Variants in SLC9A9 observed in about 807,000 individuals in gnomAD.
The protein encoded by SLC9A9 is sodium/hydrogen exchanger 9.
SLC9A9 carries 62 observed loss-of-function variants against 77.8 expected under a neutral mutation model. That is an observed-to-expected ratio of 0.80 (90% CI 0.65 to 0.98). The LOEUF is 0.98. Ranked by LOEUF, SLC9A9 falls within the 50% of genes least tolerant of loss-of-function variation. SLC9A9 has a pLI of 0.00. For missense variants in SLC9A9, 775 were observed against 774.9 expected (o/e 1.00, Z 0.00); for synonymous variants, 320 against 283.5 (o/e 1.13, Z -1.29).
chr3:143,698,529 C>T (rs1242993964), intron 4 of SLC9A9, among the ~76,000 whole-genome samples: 1 of 152,098 alleles, frequency 6.6e-6, no homozygotes, highest in Non-Finnish European at 1.5e-5. Flanking sequence ...GACGCACACA[C>T]TGATTTTAAA....
At chr3:143,782,182 C>T (rs1247814293) in intron 4 of SLC9A9, among the ~76,000 whole-genome samples, 1 of 152,174 alleles carries the variant, frequency 6.6e-6, no homozygotes, top group Non-Finnish European at 1.5e-5. Flanking sequence ...GGTTTAGTTT[C>T]ATTGACACCT....
intron 6 of SLC9A9, among the ~76,000 whole-genome samples, chr3:143,634,143 C>CTTTTTTTTTTTTTTTTTTTT (rs1164545805): frequency 1.4e-5 from 2 of 147,966 alleles, no homozygotes; most frequent in African/African-American, 5.3e-5. Context: ...TCCCATAATC[C>CTTTTTTTTTTTTTTTTTTTT]TTTCTTTAAG....
chr3:143,325,153 G>T (rs1486575689), intron 14 of SLC9A9, among the ~76,000 whole-genome samples: 1 of 151,006 alleles, frequency 6.6e-6, no homozygotes, highest in Non-Finnish European at 1.5e-5. Flanking sequence ...TCACTCTCTG[G>T]TGGCCCTCCT....
intron 14 of SLC9A9, among the ~76,000 whole-genome samples, chr3:143,303,560 G>A (rs555866451): frequency 6.6e-6 from 1 of 152,200 alleles, no homozygotes; most frequent in African/African-American, 2.4e-5. Flanking sequence ...AGGGCCAGGT[G>A]TCTGGTTTTA....
intron 14 of SLC9A9, among the ~76,000 whole-genome samples, chr3:143,333,570 G>A (rs2031838214): frequency 6.6e-6 from 1 of 152,160 alleles, no homozygotes; most frequent in Non-Finnish European, 1.5e-5. Flanking sequence ...TTCCTGACCT[G>A]GGGGATAGAC....
Position 143,432,335 on chromosome 3 carries a change from G to A in SLC9A9, c.1469+34702C>T, listed in dbSNP as rs151080298. 4.5e-3 allele frequency among the ~76,000 whole-genome samples: 681 copies of A among 152,188 alleles called. 12 individuals are homozygous for A. Among genetic ancestry groups the A allele is most frequent in the East Asian group, 3.7e-3 (19 of 5,176 alleles). ...TGTAGTGGGAACAGGCCCTGGAAAG[G>A]TTCTCAGTGCAGTAAACTCTTTGCC... On this transcript the variant is annotated intron_variant, in intron 12 of 15. Coordinates refer to ENST00000316549, the MANE Select transcript of SLC9A9 (RefSeq NM_173653.4).
intron 14 of SLC9A9, among the ~76,000 whole-genome samples, chr3:143,329,993 C>T (rs1291325755): frequency 6.6e-6 from 1 of 152,160 alleles, no homozygotes; most frequent in African/African-American, 2.4e-5. Context: ...CTTCAAACTA[C>T]TGGAAAAAAA....
intron 12 of SLC9A9, among the ~76,000 whole-genome samples, chr3:143,462,507 G>A (rs1470399580): frequency 3.3e-5 from 5 of 152,212 alleles, no homozygotes; most frequent in African/African-American, 9.6e-5. Flanking sequence ...TTGGGATCCT[G>A]AATAGGGTTG....
At chr3:143,444,283 C>T (rs890215451) in intron 12 of SLC9A9, among the ~76,000 whole-genome samples, 4 of 152,138 alleles carry the variant, frequency 2.6e-5, no homozygotes, top group Non-Finnish European at 2.9e-5. Context: ...GTGAGGCCAG[C>T]CAATTGTAAA....
chr3:143,333,623 G>A (rs1201447796), intron 14 of SLC9A9, among the ~76,000 whole-genome samples: 1 of 152,198 alleles, frequency 6.6e-6, no homozygotes, highest in African/African-American at 2.4e-5. Context: ...CTGCAACCAG[G>A]TGAGCCACAT....
At chr3:143,346,481 T>C (rs1184941285) in intron 14 of SLC9A9, among the ~76,000 whole-genome samples, 2 of 152,164 alleles carry the variant, frequency 1.3e-5, no homozygotes, top group African/African-American at 2.4e-5. Context: ...TATTTTAATA[T>C]TATTTTTATG....
intron 6 of SLC9A9, among the ~76,000 whole-genome samples, chr3:143,616,797 T>C (rs900592446): frequency 2.0e-5 from 3 of 152,140 alleles, no homozygotes; most frequent in Non-Finnish European, 2.9e-5. Flanking sequence ...CTCATAAATA[T>C]GGATAAAGAA....
At chr3:143,459,509 T>C (rs891076953) in intron 12 of SLC9A9, among the ~76,000 whole-genome samples, 1 of 152,106 alleles carries the variant, frequency 6.6e-6, no homozygotes, top group African/African-American at 2.4e-5. Flanking sequence ...GTCTTTGCAG[T>C]TGTCTTTAGA....
At chr3:143,834,374 A>G (rs2009514340) in intron 1 of SLC9A9, among the ~76,000 whole-genome samples, 1 of 152,142 alleles carries the variant, frequency 6.6e-6, no homozygotes, top group Non-Finnish European at 1.5e-5. Context: ...GTGCTTGCAT[A>G]AGAACATCAT....
intron 2 of SLC9A9, among the ~76,000 whole-genome samples, chr3:143,797,286 G>A (rs554303111): frequency 6.6e-6 from 1 of 151,954 alleles, no homozygotes; most frequent in Non-Finnish European, 1.5e-5. Flanking sequence ...TCCCTATTTT[G>A]TCCCATTCCA....
intron 6 of SLC9A9, among the ~76,000 whole-genome samples, chr3:143,649,192 C>T (rs2038758130): frequency 6.6e-6 from 1 of 152,210 alleles, no homozygotes; most frequent in Non-Finnish European, 1.5e-5. Flanking sequence ...AAAACACACA[C>T]TCCTTGAGAT....
At chr3:143,765,637 T>C (rs1249632069) in intron 4 of SLC9A9, among the ~76,000 whole-genome samples, 1 of 152,220 alleles carries the variant, frequency 6.6e-6, no homozygotes. Context: ...TTGATATAAG[T>C]GACCAAAATA....
intron 11 of SLC9A9, among the ~76,000 whole-genome samples, chr3:143,483,251 G>T (rs950878486): frequency 6.6e-6 from 1 of 152,202 alleles, no homozygotes; most frequent in Non-Finnish European, 1.5e-5. Flanking sequence ...ATTCAGTGTG[G>T]ACCCTGATAG....
intron 2 of SLC9A9, among the ~76,000 whole-genome samples, chr3:143,816,015 A>AT (rs2009006645): frequency 6.6e-6 from 1 of 152,160 alleles, no homozygotes; most frequent in Admixed American, 6.5e-5. Context: ...TTTTTCTCTT[A>AT]TTTTATGTAT....
Sources: allele counts gnomAD v4.1 joint callset (sites outside exome capture counted in the v4.1 genomes callset), GRCh38; gene constraint gnomAD v4.1.1; transcripts MANE v1.5; gene names NCBI Gene and HGNC (gene_info 2026-07-23, HGNC 2026-07-21).